The following POT1 variants were observed in gnomAD, a reference collection of about 807,000 sequenced individuals.
POT1 encodes protection of telomeres 1.
POT1 carries 47 observed loss-of-function variants against 78.5 expected under a neutral mutation model. The ratio of observed to expected loss-of-function variants is 0.60; its 90% CI spans 0.47 to 0.76. The LOEUF (loss-of-function observed/expected upper bound fraction) is 0.76. Ranked by LOEUF, POT1 falls within the 30% of genes least tolerant of loss-of-function variation. The pLI is 0.00. For missense variants in POT1, 646 were observed against 749.9 expected, an observed-to-expected ratio of 0.86 and a Z score of 1.62; for synonymous variants, 259 against 260.7, an observed-to-expected ratio of 0.99 and a Z score of 0.06.
At chr7:124,927,217 C>T (rs773517836) in intron 2 of POT1, among the ~76,000 whole-genome samples, 28 of 152,208 alleles carry the variant, frequency 1.8e-4, no homozygotes, top group Admixed American at 3.9e-4. Context: ...AGTGTTTAAG[C>T]AAAACTAATC....
At chr7:124,913,994 A>T (rs944926601) in intron 3 of POT1, among the ~76,000 whole-genome samples, 1 of 151,824 alleles carries the variant, frequency 6.6e-6, no homozygotes, top group African/African-American at 2.4e-5. Flanking sequence ...AATTAGCAAG[A>T]CATGGTGGTA....
intron 7 of POT1, among the ~76,000 whole-genome samples, chr7:124,867,308 G>C (rs1332164456): frequency 1.1e-4 from 17 of 152,264 alleles, no homozygotes; most frequent in African/African-American, 4.1e-4. Flanking sequence ...GTTAGTAAGA[G>C]AGATTTTTTT....
rs549140874 is a variant in POT1 at position 124,844,503 on chromosome 7, G to A, written c.1007-1540C>T. ...TGTAATCCCAGCACTTTGGGAGGCC[G>A]AGGCGGGTAGATCACGAGGTCAAGA... is the stretch of plus-strand genomic sequence containing the variant. On this transcript the variant is annotated intron_variant, in intron 12 of 18. Transcript: ENST00000357628. 3.9e-3 allele frequency among the ~76,000 whole-genome samples: 580 copies of A among 149,300 alleles called. 3 individuals are homozygous for A. The highest frequency in any genetic ancestry group is 0.013 in the African/African-American group (550 of 41,134).
At chr7:124,851,367 G>C (rs1795302219) in intron 11 of POT1, among the ~76,000 whole-genome samples, 1 of 152,066 alleles carries the variant, frequency 6.6e-6, no homozygotes, top group African/African-American at 2.4e-5. Flanking sequence ...CACACTGAAA[G>C]CTTTCAAGTT....
chr7:124,864,053 C>T (rs758638703), intron 7 of POT1, among the ~76,000 whole-genome samples: 1 of 152,014 alleles, frequency 6.6e-6, no homozygotes, highest in South Asian at 2.1e-4. Context: ...ATAAAGTGAA[C>T]AAAATGAAGC....
At chr7:124,872,736 A>T (rs1464021895) in intron 6 of POT1, among the ~76,000 whole-genome samples, 1 of 152,180 alleles carries the variant, frequency 6.6e-6, no homozygotes, top group Admixed American at 6.5e-5. Flanking sequence ...AAAGTACTGT[A>T]CCCAGTAGTG....
At chr7:124,852,090 T>A in intron 10 of POT1, 139 bp from the exon 11 acceptor site, 1 of 581,310 alleles carries the variant, frequency 1.7e-6, no homozygotes, top group Non-Finnish European at 3.0e-6. Flanking sequence ...GTAAAGGATC[T>A]ATTGCTTTCA....
intron 2 of POT1, among the ~76,000 whole-genome samples, chr7:124,918,272 A>G (rs1219080936): frequency 6.6e-6 from 1 of 152,202 alleles, no homozygotes; most frequent in Non-Finnish European, 1.5e-5. Flanking sequence ...TTAGGAGACT[A>G]CTAGCTAACT....
chr7:124,847,030 C>A, intron 11 of POT1, 32 bp from the exon 12 acceptor site: 2 of 1,444,918 alleles, frequency 1.4e-6, no homozygotes, highest in South Asian at 2.3e-5. Context: ...AAAATTAAGT[C>A]CATTACAACT....
intron 2 of POT1, among the ~76,000 whole-genome samples, chr7:124,917,634 G>GA (rs776611981): frequency 5.3e-5 from 8 of 152,100 alleles, no homozygotes; most frequent in Non-Finnish European, 1.0e-4. Context: ...GCAATCAAGA[G>GA]AACCACAATC....
rs1198069185 is a variant in POT1 at position 124,915,613 on chromosome 7, G to A, written c.-193C>T. ...TGCAAAACAGCTGTTTTATTTCCAC[G>A]ATAAGTTAAAGAAGAGATAAGTGAA... On this transcript the variant is annotated 5_prime_UTR_variant, in exon 3 of 19. Coordinates refer to ENST00000357628, the MANE Select transcript of POT1 (RefSeq NM_015450.3). The A allele has an allele frequency of 6.6e-6, 1 of 151,668 alleles. No homozygotes were observed. Among genetic ancestry groups the A allele is most frequent in the Non-Finnish European group, 1.5e-5 (1 of 67,912 alleles). 9.4% of individuals were successfully genotyped at this position (151,668 alleles called of 1,614,324 possible).
At chr7:124,871,102 G>C in intron 6 of POT1, 61 bp from the exon 7 acceptor site, 3 of 1,407,182 alleles carry the variant, frequency 2.1e-6, no homozygotes, top group Non-Finnish European at 2.9e-6. Context: ...GATAAAATAA[G>C]AATATGCTTA....
chr7:124,881,646 G>A (rs1796120881), intron 6 of POT1, among the ~76,000 whole-genome samples: 1 of 151,958 alleles, frequency 6.6e-6, no homozygotes, highest in Admixed American at 6.6e-5. Context: ...CCAAGGAAGT[G>A]AAGTGTTTTA....
chr7:124,906,920 T>C (rs747121002), intron 3 of POT1, among the ~76,000 whole-genome samples: 4 of 152,074 alleles, frequency 2.6e-5, no homozygotes, highest in Non-Finnish European at 4.4e-5. Context: ...TAAACACTCA[T>C]TAGATCGAAT....
At chr7:124,895,560 T>TA (rs35766684) in intron 5 of POT1, among the ~76,000 whole-genome samples, 48,242 of 151,294 alleles carry the variant, frequency 0.32, 7,700 homozygotes, top group South Asian at 0.4. Flanking sequence ...TGTCCTTCCT[T>TA]CATTCATTCA....
chr7:124,824,976 T>A (rs1794594694), intron 18 of POT1, among the ~76,000 whole-genome samples: 1 of 152,182 alleles, frequency 6.6e-6, no homozygotes, highest in African/African-American at 2.4e-5. Context: ...AAAATGCTTG[T>A]AGCATGACAA....
chr7:124,889,252 C>T (rs1340460150), intron 6 of POT1, among the ~76,000 whole-genome samples: 1 of 152,050 alleles, frequency 6.6e-6, no homozygotes, highest in Admixed American at 6.6e-5. Context: ...GTACAACATT[C>T]CCTTAAGCCA....
intron 6 of POT1, among the ~76,000 whole-genome samples, chr7:124,877,406 T>C (rs1796013505): frequency 6.6e-6 from 1 of 151,650 alleles, no homozygotes; most frequent in African/African-American, 2.4e-5. Flanking sequence ...GGAAAAACCA[T>C]AAAACAGAAA....
chr7:124,844,330 T>C (rs985363517), intron 12 of POT1, among the ~76,000 whole-genome samples: 13 of 151,468 alleles, frequency 8.6e-5, no homozygotes, highest in African/African-American at 2.2e-4. Context: ...GGTTTCTCCA[T>C]GTTGGTCAGG....
Sources: gnomAD v4.1 joint callset for allele counts (sites outside exome capture counted in the v4.1 genomes callset) on GRCh38, gnomAD v4.1.1 for gene constraint, MANE v1.5 for transcripts, NCBI Gene and HGNC (gene_info 2026-07-23, HGNC 2026-07-21) for gene names.